Variants in HPS5 observed in about 807,000 individuals in gnomAD.
HPS5 encodes BLOC-2 complex member HPS5.
HPS5 carries 83 observed loss-of-function variants against 128.0 expected under a neutral mutation model. That is an observed-to-expected ratio of 0.65 (90% CI 0.54 to 0.78). The LOEUF (loss-of-function observed/expected upper bound fraction) is 0.78. Ranked by LOEUF, HPS5 falls within the 30% of genes least tolerant of loss-of-function variation. The pLI, the probability that HPS5 is intolerant of heterozygous loss-of-function variation, is 0.00. For missense variants in HPS5, 1,281 were observed against 1,326.2 expected (o/e 0.97, Z 0.53); for synonymous variants, 475 against 470.2 (o/e 1.01, Z -0.13).
rs530234071 is a variant in HPS5, at chr11:18,286,195, C to T, written c.2837+396G>A. 4.6e-5 allele frequency among the ~76,000 whole-genome samples: 7 copies of T among 152,304 alleles called. No homozygotes were observed. The South Asian group carries it at 1.2e-3, about 27-fold the overall frequency. On this transcript the variant is annotated intron_variant, in intron 19 of 22. Coordinates refer to ENST00000349215, the MANE Select transcript of HPS5 (RefSeq NM_181507.2). Reference sequence around the variant, plus strand: ...CTATTTCTAAAGTGAGCCCAGAATGCCATATGTGAATAAACCAGTTCCATT... The same window carrying T: ...CTATTTCTAAAGTGAGCCCAGAATGTCATATGTGAATAAACCAGTTCCATT...
chr11:18,284,543 A>C (rs1353279885), intron 20 of HPS5, among the ~76,000 whole-genome samples: 2 of 152,164 alleles, frequency 1.3e-5, no homozygotes, highest in Non-Finnish European at 2.9e-5. Context: ...TTCATTACAC[A>C]ATTTTTGCAC....
At chr11:18,292,060 T>C (rs1339032786) in intron 15 of HPS5, 41 bp from the exon 16 acceptor site, 1 of 1,507,180 alleles carries the variant, frequency 6.6e-7, no homozygotes, top group South Asian at 1.1e-5. Flanking sequence ...GTGTCATGTG[T>C]TTTTCTTAAA....
In HPS5 at chr11:18,292,974, T is replaced by C; in HGVS notation, c.1787A>G (p.Glu596Gly). Residue 596 changes from glutamate to glycine, a missense_variant and splice_region_variant, in exon 15 of 23, where the codon GAG becomes GGG. Physicochemically the swap from Glu to Gly is moderately conservative, Grantham distance 98 (BLOSUM62 -2). Coordinates refer to ENST00000349215, the MANE Select transcript of HPS5 (RefSeq NM_181507.2). The stretch of plus-strand genomic sequence containing the variant: ...AGGTGGACTAGTTACCTCTTTTTCC[T>C]CCCTAAAAAAGTGTGCAAAATAACA... ...DTCPKEEDTE[E>G]EKEVTSPPPE... The C allele has an allele frequency of 4.3e-6, 7 of 1,613,362 alleles. No homozygotes were observed. The highest frequency in any genetic ancestry group is 5.9e-6 in the Non-Finnish European group (7 of 1,179,368).
chr11:18,309,815 A>G (rs1862765279), intron 5 of HPS5, among the ~76,000 whole-genome samples: 1 of 152,214 alleles, frequency 6.6e-6, no homozygotes, highest in Admixed American at 6.5e-5. Flanking sequence ...AGCCTGGGCA[A>G]CATGGCGAAA....
intron 8 of HPS5, among the ~76,000 whole-genome samples, chr11:18,303,713 C>T (rs776978901): frequency 3.9e-5 from 6 of 151,986 alleles, no homozygotes; most frequent in African/African-American, 7.3e-5. Flanking sequence ...ATTAGCCAGG[C>T]GTGGTGGCGT....
At chr11:18,287,440 G>A (rs1434160181) in intron 18 of HPS5, 95 bp downstream of exon 18, 3 of 1,369,614 alleles carry the variant, frequency 2.2e-6, no homozygotes, top group Non-Finnish European at 3.1e-6. Flanking sequence ...CAACCCCTTG[G>A]TAATTAACAG....
intron 8 of HPS5, among the ~76,000 whole-genome samples, chr11:18,303,410 G>A (rs185333811): frequency 6.6e-6 from 1 of 152,338 alleles, no homozygotes; most frequent in Non-Finnish European, 1.5e-5. Flanking sequence ...GCCTCTTTGA[G>A]GAATCAGCAG....
intron 6 of HPS5, 68 bp downstream of exon 6, chr11:18,308,878 G>T (rs1862651971): frequency 4.7e-6 from 7 of 1,500,276 alleles, no homozygotes; most frequent in Non-Finnish European, 6.5e-6. Flanking sequence ...GCTTGGGGTA[G>T]ATAACTTCTA....
At chr11:18,285,310 A>C in intron 20 of HPS5, 36 bp downstream of exon 20, 6 of 1,296,876 alleles carry the variant, frequency 4.6e-6, no homozygotes, top group Non-Finnish European at 6.7e-6. Context: ...AAATGTTTCT[A>C]ACCTTAACTT....
intron 10 of HPS5, among the ~76,000 whole-genome samples, chr11:18,298,368 G>A (rs7478729): frequency 0.59 from 89,079 of 151,682 alleles, 26,473 homozygotes; most frequent in East Asian, 0.86. Context: ...GGTGGCGAGC[G>A]CCTGTAGTCG....
intron 13 of HPS5, among the ~76,000 whole-genome samples, chr11:18,295,742 C>T (rs865988815): frequency 2.6e-5 from 4 of 152,184 alleles, no homozygotes; most frequent in African/African-American, 7.2e-5. Context: ...GAAACTATTA[C>T]CATCAGAGAT....
In HPS5 at chr11:18,305,416, A is replaced by G; in HGVS notation, c.896+6T>C. On this transcript the variant is annotated splice_donor_region_variant and intron_variant, in intron 8 of 22. Coordinates refer to ENST00000349215, the MANE Select transcript of HPS5 (RefSeq NM_181507.2). ...CCCCCCAGAACTAAGGAAAGTAGAA[A>G]CTTACCTAAGATGTAAGAGTTTGGG... The G allele has an allele frequency of 1.3e-6, 2 of 1,571,004 alleles. No homozygotes were observed. Among genetic ancestry groups the G allele is most frequent in the South Asian group, 1.1e-5 (1 of 90,208 alleles).
At chr11:18,315,626 T>C (rs1203959218) in intron 2 of HPS5, among the ~76,000 whole-genome samples, 1 of 144,692 alleles carries the variant, frequency 6.9e-6, no homozygotes, top group South Asian at 2.2e-4. Context: ...AAAAAAAAAA[T>C]AGAAAGAAAG....
intron 5 of HPS5, among the ~76,000 whole-genome samples, 197 bp from the exon 6 acceptor site, chr11:18,309,276 G>A (rs1417570866): frequency 6.6e-6 from 1 of 152,224 alleles, no homozygotes; most frequent in Non-Finnish European, 1.5e-5. Flanking sequence ...GTACGTAACT[G>A]CAGAAGAGAT....
In HPS5 at chr11:18,287,912, A is replaced by G; in HGVS notation, c.2542T>C (p.Leu848=). 1 of 1,614,146 alleles carries G rather than the reference A, an allele frequency of 6.2e-7. No homozygotes were observed. The highest frequency in any genetic ancestry group is 8.5e-7 in the Non-Finnish European group (1 of 1,180,008). ...DDEVPFDSPL[L]VVYATRLYEK... The stretch of plus-strand genomic sequence containing the variant: ...ACTTACCGGGTAGCATAAACAACCA[A>G]CAACGGACTATCAAAAGGAACCTCG... The change falls in exon 17 of 23, where the codon TTG becomes CTG. Residue 848 remains leucine, a synonymous_variant. Coordinates refer to ENST00000349215, the MANE Select transcript of HPS5 (RefSeq NM_181507.2).
In HPS5 at chr11:18,285,478, T is replaced by G. The variant is rs775173939; in HGVS notation, c.2838-19A>C. 13 of 1,441,048 alleles carry G rather than the reference T, an allele frequency of 9.0e-6. No individual in the cohort carries two copies. In the South Asian group the frequency reaches 1.0e-4, roughly 11 times the overall value. The allele number at this position is 1,441,048 out of a possible 1,614,324, so 89.3% of individuals were successfully genotyped here. ...ATGAGGCCTATGAAATGAAAAGGAA[T>G]CAGTAAATTAGATAGGAAATAAACT... On this transcript the variant is annotated intron_variant, in intron 19 of 22. Transcript: ENST00000349215.
rs144015530 is a variant in HPS5, at chr11:18,308,960, C to T, written c.597G>A (p.Leu199=). The change falls in exon 6 of 23, where the codon TTG becomes TTA. Residue 199 remains leucine, a synonymous_variant. Transcript: ENST00000349215. ...GGTCAATATACCTCTCAGTGTCACA[C>T]AAGAAGGATCGAGTAAGTGAAGATA... The part of the protein sequence containing the change: ...LLISSLTRSF[L]CDTEREKFWK... The T allele has an allele frequency of 5.6e-6, 9 of 1,614,070 alleles. No homozygotes were observed. The African/African-American group carries it at 1.1e-4, about 19-fold the overall frequency.
At chr11:18,303,854 TA>T (rs558254205) in intron 8 of HPS5, among the ~76,000 whole-genome samples, 5,134 of 126,968 alleles carry the variant, frequency 0.04, 265 homozygotes, top group African/African-American at 0.13. Context: ...ACTCCGTCTC[TA>T]AAAAAAAAAA....
intron 18 of HPS5, 55 bp from the exon 19 acceptor site, chr11:18,286,765 TA>T: frequency 6.2e-7 from 1 of 1,608,318 alleles, no homozygotes; most frequent in South Asian, 1.1e-5. Context: ...AAAGGAAGCA[TA>T]AAATGTGGGG....
Sources: gnomAD v4.1 joint callset for allele counts (sites outside exome capture counted in the v4.1 genomes callset) on GRCh38, gnomAD v4.1.1 for gene constraint, MANE v1.5 for transcripts, NCBI Gene and HGNC (gene_info 2026-07-23, HGNC 2026-07-21) for gene names.